ASMT: variants seen among roughly 807,000 people sequenced by gnomAD.
ASMT encodes acetylserotonin N-methyltransferase.
ASMT carries 53 observed loss-of-function variants against 41.3 expected under a neutral mutation model. That is an observed-to-expected ratio of 1.28 (90% CI 1.03 to 1.61). The LOEUF is 1.61. Ranked by LOEUF, ASMT falls within the 40% of genes most tolerant of loss-of-function variation. The pLI is 0.00. For missense variants in ASMT, 531 were observed against 441.3 expected (o/e 1.20, Z -1.82); for synonymous variants, 231 against 184.8 (o/e 1.25, Z -2.03).
At chrX:1,615,750 C>A (rs369798470) in intron 1 of ASMT, among the ~76,000 whole-genome samples, 3 of 151,124 alleles carry the variant, frequency 2.0e-5, no homozygotes, top group Non-Finnish European at 3.0e-5. Flanking sequence ...TGCAGTGAGC[C>A]GAGATCGCAC....
At chrX:1,616,592 C>G (rs73620113) in intron 1 of ASMT, among the ~76,000 whole-genome samples, 1 of 151,376 alleles carries the variant, frequency 6.6e-6, no homozygotes, top group Non-Finnish European at 1.5e-5. Flanking sequence ...TAATGATGGC[C>G]GGGCTCAGCG....
At chrX:1,619,081 T>C (rs1934240218) in intron 1 of ASMT, among the ~76,000 whole-genome samples, 1 of 152,064 alleles carries the variant, frequency 6.6e-6, no homozygotes, top group South Asian at 2.1e-4. Context: ...AGAGTGAATA[T>C]CGCCTTAAGA....
chrX:1,636,855 C>T (rs1346531847), intron 8 of ASMT, among the ~76,000 whole-genome samples: 14 of 152,240 alleles, frequency 9.2e-5, no homozygotes, highest in Non-Finnish European at 4.4e-5. Context: ...AGGACAGTGC[C>T]CCACTGACTT....
intron 3 of ASMT, 124 bp from the exon 4 acceptor site, chrX:1,627,579 C>A (rs1216488985): frequency 1.4e-5 from 14 of 989,698 alleles, no homozygotes; most frequent in Admixed American, 1.0e-4. Flanking sequence ...CGAGATCGTG[C>A]CATTGCACTC....
intron 2 of ASMT, 31 bp from the exon 3 acceptor site, chrX:1,624,238 C>T: frequency 1.2e-6 from 2 of 1,613,740 alleles, no homozygotes; most frequent in African/African-American, 1.3e-5. Flanking sequence ...AATCTCACTG[C>T]TTTTTCCCTG....
chrX:1,619,583 A>AT (rs1777156390), intron 1 of ASMT, among the ~76,000 whole-genome samples: 2 of 146,256 alleles, frequency 1.4e-5, no homozygotes, highest in Non-Finnish European at 3.0e-5. Flanking sequence ...AATAATAATA[A>AT]TAATAAAAAG....
intron 7 of ASMT, among the ~76,000 whole-genome samples, chrX:1,636,019 A>C (rs1334139169): frequency 3.4e-5 from 5 of 149,194 alleles, no homozygotes; most frequent in African/African-American, 9.8e-5. Flanking sequence ...GCAATGGTGC[A>C]ATCTCGGCTC....
chrX:1,641,583 A>AGGATG (rs1217087986), intron 8 of ASMT, among the ~76,000 whole-genome samples: 1 of 147,584 alleles, frequency 6.8e-6, no homozygotes, highest in East Asian at 2.0e-4. Context: ...ATGGTTCATG[A>AGGATG]GGATGTGGGC....
At chrX:1,616,556 G>A (rs1934119503) in intron 1 of ASMT, among the ~76,000 whole-genome samples, 1 of 151,200 alleles carries the variant, frequency 6.6e-6, no homozygotes, top group Non-Finnish European at 1.5e-5. Context: ...TGTACTAAGT[G>A]CCCCTGAATT....
intron 8 of ASMT, 146 bp downstream of exon 8, chrX:1,636,706 T>C: frequency 8.1e-7 from 1 of 1,229,020 alleles, no homozygotes; most frequent in Non-Finnish European, 1.2e-6. Flanking sequence ...GATAACGACC[T>C]GAAATAAATA....
chrX:1,620,836 G>A (rs1448307956), intron 1 of ASMT, among the ~76,000 whole-genome samples: 1 of 151,778 alleles, frequency 6.6e-6, no homozygotes, highest in Non-Finnish European at 1.5e-5. Context: ...TTGCCGTGAG[G>A]CGTGATCGTG....
chrX:1,633,910 T>G (rs1351150805), intron 7 of ASMT, among the ~76,000 whole-genome samples: 3 of 151,790 alleles, frequency 2.0e-5, no homozygotes, highest in African/African-American at 7.3e-5. Context: ...AGTGCTGGGA[T>G]TACAGGTGTG....
chrX:1,620,484 G>C (rs1934300327), intron 1 of ASMT, among the ~76,000 whole-genome samples: 1 of 151,908 alleles, frequency 6.6e-6, no homozygotes, highest in African/African-American at 2.4e-5. Context: ...AGCTTTAATA[G>C]AAAAGGAGCT....
intron 5 of ASMT, among the ~76,000 whole-genome samples, chrX:1,630,229 G>A (rs866407034): frequency 2.0e-5 from 3 of 151,176 alleles, no homozygotes; most frequent in Non-Finnish European, 4.4e-5. Context: ...TGCCTCCTGG[G>A]TTCAAGCGAT....
At chrX:1,633,616 C>T (rs1313188684) in intron 7 of ASMT, among the ~76,000 whole-genome samples, 2 of 151,558 alleles carry the variant, frequency 1.3e-5, no homozygotes, top group Non-Finnish European at 2.9e-5. Context: ...GCTGGGATTA[C>T]AGGCATGCGC....
At chrX:1,636,807 A>G (rs1189189236) in intron 8 of ASMT, among the ~76,000 whole-genome samples, 1 of 152,244 alleles carries the variant, frequency 6.6e-6, no homozygotes, top group Non-Finnish European at 1.5e-5. Context: ...CTTTGGTGAA[A>G]TTCTTTCAGA....
intron 8 of ASMT, among the ~76,000 whole-genome samples, chrX:1,636,910 C>CCT (rs1491329902): frequency 2.1e-5 from 3 of 140,592 alleles, no homozygotes; most frequent in Non-Finnish European, 4.8e-5. Flanking sequence ...GTGGGCACAG[C>CCT]CTCTGTGTGT....
intron 4 of ASMT, 48 bp downstream of exon 4, chrX:1,627,819 A>G: frequency 6.4e-7 from 1 of 1,560,468 alleles, no homozygotes; most frequent in Non-Finnish European, 8.8e-7. Flanking sequence ...GATTCTGTTT[A>G]TTTTTAAAGG....
At chrX:1,642,697 C>G (rs1935236730) in intron 8 of ASMT, 106 bp from the exon 9 acceptor site, 5 of 1,013,178 alleles carry the variant, frequency 4.9e-6, no homozygotes, top group Non-Finnish European at 7.8e-6. Context: ...GGGGACGGTG[C>G]CCTGACTGTC....
Sources: allele counts gnomAD v4.1 joint callset (sites outside exome capture counted in the v4.1 genomes callset), GRCh38; gene constraint gnomAD v4.1.1; transcripts MANE v1.5; gene names NCBI Gene and HGNC (gene_info 2026-07-23, HGNC 2026-07-21).